Variants in SHANK2 observed in about 807,000 individuals in gnomAD.
SHANK2 encodes SH3 and multiple ankyrin repeat domains protein 2.
In SHANK2, 43 loss-of-function variants were observed where a neutral mutation model predicts 133.7. The ratio of observed to expected loss-of-function variants is 0.32; its 90% CI spans 0.25 to 0.41. The LOEUF is 0.41. SHANK2 is among the 10% of genes least tolerant of loss of function. The pLI, the probability that SHANK2 is intolerant of heterozygous loss-of-function variation, is 1.00. For synonymous variants in SHANK2, 1,017 were observed against 952.8 expected (o/e 1.07, Z -1.24); for missense variants, 1,994 against 2,235.8 (o/e 0.89, Z 2.18).
At chr11:70,752,532 C>CAA (rs1946772752) in intron 14 of SHANK2, among the ~76,000 whole-genome samples, 1 of 151,936 alleles carries the variant, frequency 6.6e-6, no homozygotes, top group Non-Finnish European at 1.5e-5. Flanking sequence ...CGGTGAAAGC[C>CAA]CGTCTCTACT....
intron 10 of SHANK2, among the ~76,000 whole-genome samples, chr11:70,941,512 A>G (rs782712587): frequency 2.1e-4 from 31 of 150,216 alleles, no homozygotes; most frequent in Non-Finnish European, 3.6e-4. Context: ...ACTCTCCCAA[A>G]TTCATATGTC....
At chr11:71,078,187 A>AG (rs1218849386) in intron 8 of SHANK2, among the ~76,000 whole-genome samples, 1 of 151,594 alleles carries the variant, frequency 6.6e-6, no homozygotes, top group Non-Finnish European at 1.5e-5. Flanking sequence ...AAAAAAAAAA[A>AG]ATCAATGGGG....
chr11:70,931,844 A>T (rs12287692), intron 10 of SHANK2, among the ~76,000 whole-genome samples: 7,545 of 152,310 alleles, frequency 0.05, 651 homozygotes, highest in African/African-American at 0.17. Flanking sequence ...AACGACGCTT[A>T]TTATTTTTCC....
At chr11:71,123,532 G>A (rs1384377475) in intron 3 of SHANK2, among the ~76,000 whole-genome samples, 1 of 152,164 alleles carries the variant, frequency 6.6e-6, no homozygotes, top group African/African-American at 2.4e-5. Context: ...GGCAAAGGTA[G>A]AACAGCGATG....
At chr11:70,722,851 G>A (rs1328412801) in intron 14 of SHANK2, among the ~76,000 whole-genome samples, 6 of 152,238 alleles carry the variant, frequency 3.9e-5, no homozygotes, top group East Asian at 1.9e-4. Flanking sequence ...CTTATGAGAA[G>A]TGGCAGGAGA....
intron 9 of SHANK2, among the ~76,000 whole-genome samples, chr11:71,065,518 T>A (rs1335279313): frequency 8.3e-5 from 9 of 108,996 alleles, no homozygotes; most frequent in Non-Finnish European, 1.4e-4. Flanking sequence ...TTGGGGTGTA[T>A]GTGCAGAACT....
intron 14 of SHANK2, among the ~76,000 whole-genome samples, chr11:70,736,093 C>T (rs1334373560): frequency 4.0e-5 from 6 of 151,444 alleles, no homozygotes; most frequent in Admixed American, 3.3e-4. Context: ...GTCTGAGGCT[C>T]GGGAACAAGA....
rs201420253 is a variant in SHANK2, at chr11:71,192,933, G to GA, written c.-13+31763dup. Among the ~76,000 whole-genome samples, 540 of 152,302 alleles carry GA rather than the reference G, an allele frequency of 3.5e-3. 6 individuals are homozygous for GA. The highest frequency in any genetic ancestry group is 0.012 in the African/African-American group (493 of 41,570). Reference sequence around the variant, plus strand: ...ATAAAATACTGCATCCTTAATGGGGGAACCTTCCTTGTCAAAGGCAAACAT... The same window carrying GA: ...ATAAAATACTGCATCCTTAATGGGGGAAACCTTCCTTGTCAAAGGCAAACAT... On this transcript the variant is annotated intron_variant, in intron 2 of 25. Transcript: ENST00000601538.
At chr11:70,780,340 G>C (rs1338488679) in intron 14 of SHANK2, among the ~76,000 whole-genome samples, 1 of 152,116 alleles carries the variant, frequency 6.6e-6, no homozygotes, top group Non-Finnish European at 1.5e-5. Context: ...CAGGGCTCCA[G>C]GCCAGCTCTG....
intron 17 of SHANK2, chr11:70,603,375 T>G (rs1483976897): frequency 1.3e-5 from 2 of 152,452 alleles, no homozygotes; most frequent in African/African-American, 4.8e-5. Context: ...CCCTTCCTCC[T>G]CTGGGGCAGC....
intron 17 of SHANK2, among the ~76,000 whole-genome samples, chr11:70,631,522 G>A (rs950968259): frequency 1.3e-5 from 2 of 152,172 alleles, no homozygotes; most frequent in Non-Finnish European, 2.9e-5. Flanking sequence ...TAATCCACTC[G>A]GCAAAGTCCC....
chr11:70,510,626 C>T (rs1240757438), intron 17 of SHANK2, among the ~76,000 whole-genome samples: 2 of 152,228 alleles, frequency 1.3e-5, no homozygotes, highest in African/African-American at 2.4e-5. Flanking sequence ...CCTCCTCTGT[C>T]CAGGAGCTGG....
At chr11:70,795,695 T>C (rs1176820366) in intron 14 of SHANK2, among the ~76,000 whole-genome samples, 1 of 152,118 alleles carries the variant, frequency 6.6e-6, no homozygotes, top group Non-Finnish European at 1.5e-5. Context: ...TGTGAGTCAC[T>C]GCACCTGGCC....
At chr11:70,947,822 A>G (rs1305228568) in intron 10 of SHANK2, among the ~76,000 whole-genome samples, 4 of 152,198 alleles carry the variant, frequency 2.6e-5, no homozygotes, top group Admixed American at 6.5e-5. Context: ...CCCATCCAGG[A>G]TAGCATCTGG....
intron 17 of SHANK2, among the ~76,000 whole-genome samples, chr11:70,559,344 A>T (rs1331368107): frequency 6.6e-6 from 1 of 152,080 alleles, no homozygotes; most frequent in Non-Finnish European, 1.5e-5. Flanking sequence ...TTTTTAGAAC[A>T]CTTTTAGCTT....
intron 9 of SHANK2, among the ~76,000 whole-genome samples, chr11:71,063,684 A>G (rs1951014077): frequency 6.6e-6 from 1 of 152,206 alleles, no homozygotes; most frequent in Non-Finnish European, 1.5e-5. Flanking sequence ...GATTCCTTTC[A>G]GAGGTGTATC....
chr11:71,150,702 T>C lies in SHANK2; in HGVS notation c.-12-3364A>G, dbSNP rs570354074. Among the ~76,000 whole-genome samples the C allele has an allele frequency of 3.3e-5, 5 of 152,132 alleles. No individual in the cohort carries two copies. The South Asian group carries it at 1.0e-3, about 32-fold the overall frequency. ...AAGGCGCCATGCCATGGTCCACAGT[T>C]TTCGGAGCACCCTGTGTCCAACCAC... On this transcript the variant is annotated intron_variant, in intron 2 of 25. Coordinates refer to ENST00000601538, the MANE Select transcript of SHANK2 (RefSeq NM_012309.5).
intron 14 of SHANK2, among the ~76,000 whole-genome samples, chr11:70,738,710 G>A (rs932763595): frequency 2.1e-4 from 32 of 152,142 alleles, no homozygotes; most frequent in African/African-American, 6.3e-4. Flanking sequence ...GTGCTGACCC[G>A]TCTCCAGGCT....
intron 17 of SHANK2, among the ~76,000 whole-genome samples, chr11:70,598,003 G>A (rs2060424056): frequency 6.6e-6 from 1 of 152,196 alleles, no homozygotes; most frequent in Non-Finnish European, 1.5e-5. Flanking sequence ...GCAGCTCCTG[G>A]AAGCTGTGCT....
Sources: gnomAD v4.1 joint callset for allele counts (sites outside exome capture counted in the v4.1 genomes callset) on GRCh38, gnomAD v4.1.1 for gene constraint, MANE v1.5 for transcripts, NCBI Gene and HGNC (gene_info 2026-07-23, HGNC 2026-07-21) for gene names.